The following FAM227A variants were observed in gnomAD, a reference collection of about 807,000 sequenced individuals.
The protein encoded by FAM227A is protein FAM227A.
FAM227A carries 80 observed loss-of-function variants against 74.7 expected under a neutral mutation model. The observed-to-expected ratio is 1.07, with a 90% confidence interval of 0.89 to 1.29. The LOEUF (loss-of-function observed/expected upper bound fraction) is 1.29, where lower values mean the gene tolerates loss of function less well. Among genes scored for constraint, FAM227A ranks in the 50% most tolerant of loss-of-function variants. The pLI is 0.00. For synonymous variants in FAM227A, 237 were observed against 241.8 expected (o/e 0.98, Z 0.19); for missense variants, 654 against 683.4 (o/e 0.96, Z 0.48).
chr22:38,642,817 T>C (rs1229524634), intron 3 of FAM227A, among the ~76,000 whole-genome samples: 1 of 151,730 alleles, frequency 6.6e-6, no homozygotes, highest in East Asian at 2.0e-4. Flanking sequence ...ATGTCTGTAA[T>C]CCCAGCTATT....
intron 13 of FAM227A, among the ~76,000 whole-genome samples, chr22:38,600,419 C>T (rs978118799): frequency 6.6e-6 from 1 of 151,730 alleles, no homozygotes; most frequent in African/African-American, 2.4e-5. Context: ...CTGCAACCTC[C>T]ATCTCCTAGA....
chr22:38,628,305 A>G lies in FAM227A; in HGVS notation c.659T>C (p.Ile220Thr). ...KELQNNLFDRIAQHYALLLFR... is the reference protein window; with the variant it reads ...KELQNNLFDRTAQHYALLLFR... ...CAAAAGTAAGGCATAGTGCTGGGCT[A>G]TCCGGTCAAACAGATTATTCTGGAG... Residue 220 changes from isoleucine to threonine, a missense_variant, in exon 8 of 17, where the codon ATA becomes ACA. By Grantham distance (89) the Ile-to-Thr change is moderately conservative. Transcript: ENST00000535113. 1.9e-6 allele frequency: 3 copies of G among 1,551,518 alleles called. No individual in the cohort carries two copies. The South Asian group carries it at 3.6e-5, about 18-fold the overall frequency.
intron 11 of FAM227A, among the ~76,000 whole-genome samples, chr22:38,618,838 G>A (rs1173263981): frequency 1.3e-5 from 2 of 152,116 alleles, no homozygotes; most frequent in Non-Finnish European, 2.9e-5. Context: ...CAGTGTGAAG[G>A]TAGTTGTAGA....
chr22:38,630,088 G>T (rs1016106624), intron 6 of FAM227A, among the ~76,000 whole-genome samples: 2 of 135,114 alleles, frequency 1.5e-5, no homozygotes, highest in South Asian at 4.8e-4. Flanking sequence ...ATCAGGAAGC[G>T]TGCCTCTTCT....
chr22:38,622,743 G>A (rs186340057), intron 10 of FAM227A, among the ~76,000 whole-genome samples: 23 of 152,030 alleles, frequency 1.5e-4, no homozygotes, highest in Middle Eastern at 6.8e-3. Flanking sequence ...GGGCGTGGTG[G>A]TGGGTGCCTG....
At chr22:38,594,568 T>C (rs1200251460) in intron 15 of FAM227A, among the ~76,000 whole-genome samples, 4 of 152,226 alleles carry the variant, frequency 2.6e-5, no homozygotes, top group Non-Finnish European at 5.9e-5. Flanking sequence ...CATCTTTTGA[T>C]GAACATTAAT....
chr22:38,579,621 CTTCAACAATT>C lies in FAM227A; in HGVS notation c.*6494_*6503del, dbSNP rs995850867. 2.6e-5 allele frequency: 4 copies of C among 152,170 alleles called. No individual in the cohort carries two copies. Among genetic ancestry groups the C allele is most frequent in the African/African-American group, 7.2e-5 (3 of 41,440 alleles). The allele number at this position is 152,170 out of a possible 1,614,324, so 9.4% of individuals were successfully genotyped here. A position where few individuals can be genotyped will look rare whatever the true frequency, so the allele number is the denominator to read the frequency against. On this transcript the variant is annotated 3_prime_UTR_variant, in exon 17 of 17. Transcript: ENST00000535113. ...ACAGTATAATATTCCCATCACCCAT[CTTCAACAATT>C]TTCAACACATGGTCAATCTTGTTTC...
At chr22:38,606,565 C>T (rs1203988131) in intron 12 of FAM227A, among the ~76,000 whole-genome samples, 1 of 152,098 alleles carries the variant, frequency 6.6e-6, no homozygotes, top group Non-Finnish European at 1.5e-5. Flanking sequence ...GCCTCCTGGC[C>T]AGCACTGGTG....
chr22:38,616,647 C>A (rs2091582631), intron 11 of FAM227A, among the ~76,000 whole-genome samples: 1 of 147,724 alleles, frequency 6.8e-6, no homozygotes, highest in Admixed American at 6.8e-5. Context: ...GCCTGGGCTA[C>A]AGGAGCGAAA....
intron 11 of FAM227A, among the ~76,000 whole-genome samples, chr22:38,609,280 G>A (rs554004763): frequency 6.6e-6 from 1 of 152,346 alleles, no homozygotes; most frequent in East Asian, 1.9e-4. Context: ...GCCACACGTA[G>A]CGGTAGGGGA....
intron 6 of FAM227A, among the ~76,000 whole-genome samples, chr22:38,630,933 C>T (rs368143728): frequency 3.9e-5 from 6 of 152,084 alleles, no homozygotes; most frequent in East Asian, 3.9e-4. Context: ...TTTGGGAGGC[C>T]GAGGCAGGTG....
At chr22:38,598,961 T>C (rs1014358308) in intron 14 of FAM227A, among the ~76,000 whole-genome samples, 4 of 150,878 alleles carry the variant, frequency 2.7e-5, no homozygotes, top group Non-Finnish European at 4.4e-5. Flanking sequence ...TTCTTTCTTT[T>C]TTTTTTTTTT....
intron 14 of FAM227A, 87 bp downstream of exon 14, chr22:38,599,677 C>G: frequency 7.6e-7 from 1 of 1,323,950 alleles, no homozygotes; most frequent in East Asian, 2.6e-5. Context: ...GTGCTAAGGC[C>G]TGGGTGCCAT....
At chr22:38,649,939 A>G in intron 2 of FAM227A, 88 bp downstream of exon 2, 8 of 1,203,212 alleles carry the variant, frequency 6.6e-6, no homozygotes, top group Non-Finnish European at 9.5e-6. Context: ...AATGTGCATT[A>G]TAGACCTGAG....
rs1228589573 is a variant in FAM227A, at chr22:38,584,922, G to C, written c.*1203C>G. 6.6e-6 allele frequency: 1 copy of C among 151,788 alleles called. No individual in the cohort carries two copies. The highest frequency in any genetic ancestry group is 1.9e-4 in the East Asian group (1 of 5,190). 9.4% of individuals were successfully genotyped at this position (151,788 alleles called of 1,614,324 possible). ...AACGATTCTTCTGCCTCAGCCTCCC[G>C]AGTAGCTGGGATTACAGGTGCCCGC... On this transcript the variant is annotated 3_prime_UTR_variant, in exon 17 of 17. Transcript: ENST00000535113.
intron 5 of FAM227A, 123 bp downstream of exon 5, chr22:38,638,623 C>G: frequency 1.4e-6 from 1 of 722,032 alleles, no homozygotes; most frequent in Non-Finnish European, 2.4e-6. Flanking sequence ...GATTCAGGAG[C>G]TCTGCGATTT....
At chr22:38,609,057 A>T (rs5750639) in intron 11 of FAM227A, among the ~76,000 whole-genome samples, 53,451 of 151,316 alleles carry the variant, frequency 0.35, 9,750 homozygotes, top group East Asian at 0.47. Context: ...CCTCTCAAAG[A>T]GCTGGGATTA....
chr22:38,627,466 G>A (rs980389621), intron 8 of FAM227A, among the ~76,000 whole-genome samples: 10 of 151,538 alleles, frequency 6.6e-5, no homozygotes, highest in Admixed American at 5.9e-4. Flanking sequence ...TACTCGGAAG[G>A]CTGAGGCAGG....
At chr22:38,638,093 G>T (rs958780453) in intron 5 of FAM227A, among the ~76,000 whole-genome samples, 3 of 152,116 alleles carry the variant, frequency 2.0e-5, no homozygotes, top group Non-Finnish European at 2.9e-5. Context: ...TGAACCCTGG[G>T]GGCGGAGGTT....
Sources: allele counts gnomAD v4.1 joint callset (sites outside exome capture counted in the v4.1 genomes callset), GRCh38; gene constraint gnomAD v4.1.1; transcripts MANE v1.5; gene names NCBI Gene and HGNC (gene_info 2026-07-23, HGNC 2026-07-21).